Variants in TMEM132E observed in about 807,000 individuals in gnomAD.
TMEM132E encodes the protein transmembrane protein 132E.
A neutral mutation model predicts 78.5 loss-of-function variants in TMEM132E; 49 were observed. The ratio of observed to expected loss-of-function variants is 0.62; its 90% CI spans 0.50 to 0.79. The LOEUF is 0.79. Among genes scored for constraint, TMEM132E ranks in the 30% least tolerant of loss-of-function variants. The pLI is 0.00. For missense variants in TMEM132E, 1,403 were observed against 1,470.9 expected (o/e 0.95, Z 0.75); for synonymous variants, 715 against 670.6 (o/e 1.07, Z -1.02).
rs1314299003 is a variant in TMEM132E, at chr17:34,580,848, C to T, written c.-229C>T. On this transcript the variant is annotated 5_prime_UTR_variant, in exon 1 of 9. Coordinates refer to ENST00000631683, the MANE Select transcript of TMEM132E (RefSeq NM_001304438.2). ...GGGCACCAGCTGGGGGAGGTGGAGG[C>T]TCCTCCCGCCCGGAGCTGCGCCCCC... is the stretch of plus-strand genomic sequence containing the variant. 27 of 457,716 alleles carry T rather than the reference C, an allele frequency of 5.9e-5. No homozygotes were observed. The South Asian group carries it at 1.0e-3, about 17-fold the overall frequency. The allele number at this position is 457,716 out of a possible 1,614,324, so 28.4% of individuals were successfully genotyped here. A position where few individuals can be genotyped will look rare whatever the true frequency, so the allele number is the denominator to read the frequency against.
chr17:34,613,211 A>ACACACGCGCGCGCGCGCG, intron 1 of TMEM132E, among the ~76,000 whole-genome samples: 12 of 115,852 alleles, frequency 1.0e-4, no homozygotes, highest in African/African-American at 1.5e-4. Context: ...ACACACACAC[A>ACACACGCGCGCGCGCGCG]CGCGCGCGCG....
chr17:34,613,211 A>ACACACGTGCG, intron 1 of TMEM132E, among the ~76,000 whole-genome samples: 1 of 115,856 alleles, frequency 8.6e-6, no homozygotes, highest in Non-Finnish European at 1.8e-5. Context: ...ACACACACAC[A>ACACACGTGCG]CGCGCGCGCG....
At chr17:34,627,378 C>T (rs1423821082) in intron 2 of TMEM132E, among the ~76,000 whole-genome samples, 1 of 151,838 alleles carries the variant, frequency 6.6e-6, no homozygotes, top group Non-Finnish European at 1.5e-5. Context: ...ACTAGAAGGG[C>T]CCTTAGACAT....
Position 34,638,266 on chromosome 17 carries a change from C to CCA in TMEM132E, c.*35_*36dup, listed in dbSNP as rs1555565385. The CCA allele has an allele frequency of 0.11, 164,164 of 1,456,916 alleles. 1,928 individuals carry two copies. Among genetic ancestry groups the CCA allele is most frequent in the South Asian group, 0.15 (10,181 of 69,894 alleles). 90.2% of individuals were successfully genotyped at this position (1,456,916 alleles called of 1,614,324 possible). A position where few individuals can be genotyped will look rare whatever the true frequency, so the allele number is the denominator to read the frequency against. On this transcript the variant is annotated 3_prime_UTR_variant, in exon 9 of 9. Coordinates refer to ENST00000631683, the MANE Select transcript of TMEM132E (RefSeq NM_001304438.2). ...GCCGGAGTAGCAGGGACCCCCCCCC[C>CCA]CAACGGGGTCAGCTCGGGGTAGGAC...
At position 34,634,832 on chromosome 17, in the gene TMEM132E, G is replaced by T. The variant is rs766087029; in HGVS notation, c.1722G>T (p.Glu574Asp). 1 of 1,614,098 alleles carries T rather than the reference G, an allele frequency of 6.2e-7. No homozygotes were observed. Among genetic ancestry groups the T allele is most frequent in the East Asian group, 2.2e-5 (1 of 44,870 alleles). ...GGGAAAGCGAGGATGAGGATGAGGA[G>T]GAGGAGGAGCGGCGGCAGAGTGCAA... is the stretch of plus-strand genomic sequence containing the variant. ...SVRESEDEDE[E>D]EEERRQSASR... Residue 574 changes from glutamate to aspartate, a missense_variant, in exon 7 of 9, where the codon GAG (glutamate) becomes GAT (aspartate). By Grantham distance (45) the Glu-to-Asp change is conservative. Around this residue, in one of 3 missense-constraint regions of TMEM132E, gnomAD observed 888 missense variants for 952.8 expected, o/e 0.93. Transcript: ENST00000631683.
rs138612311 is a variant in TMEM132E, at chr17:34,598,856, G to A, written c.67+17713G>A. ...TTTTGGGTTTCCCTGGGGTGGGGAG[G>A]TGTTGAACTACAGCACTCTTGATTG... is the stretch of plus-strand genomic sequence containing the variant. On this transcript the variant is annotated intron_variant, in intron 1 of 8. Coordinates refer to ENST00000631683, the MANE Select transcript of TMEM132E (RefSeq NM_001304438.2). 2.3e-3 allele frequency among the ~76,000 whole-genome samples: 348 copies of A among 152,276 alleles called. 5 individuals are homozygous for A. The highest frequency in any genetic ancestry group is 7.7e-3 in the African/African-American group (320 of 41,556).
intron 1 of TMEM132E, among the ~76,000 whole-genome samples, chr17:34,589,626 ACTT>A (rs1181087110): frequency 3.3e-5 from 5 of 152,124 alleles, no homozygotes; most frequent in African/African-American, 9.7e-5. Context: ...TGCAAAGTCA[ACTT>A]CTTCTGAGTC....
chr17:34,586,261 A>G (rs1309607957), intron 1 of TMEM132E, among the ~76,000 whole-genome samples: 2 of 150,834 alleles, frequency 1.3e-5, no homozygotes, highest in African/African-American at 2.5e-5. Flanking sequence ...CAGAATTTTA[A>G]TAAGAGATTA....
At position 34,637,997 on chromosome 17, in the gene TMEM132E, A is replaced by C; in HGVS notation, c.2990A>C (p.Asp997Ala). The change falls in exon 9 of 9, where the codon GAC becomes GCC. Residue 997 changes from aspartate to alanine, a missense_variant. Physicochemically the swap from Asp to Ala is moderately radical, Grantham distance 126. Transcript: ENST00000631683. ...GGCTCCTCGGGCGGCTCAGCCCGAGACCAAGCCGAGGACCCCGCCAGCTCG... is the reference window on the plus strand; with the variant it reads ...GGCTCCTCGGGCGGCTCAGCCCGAGCCCAAGCCGAGGACCCCGCCAGCTCG... Reference protein sequence around the residue: ...GDGSSGGSARDQAEDPASSPT... With the variant: ...GDGSSGGSARAQAEDPASSPT... 6.3e-7 allele frequency: 1 copy of C among 1,584,666 alleles called. No individual in the cohort carries two copies. The highest frequency in any genetic ancestry group is 1.9e-4 in the Middle Eastern group (1 of 5,296).
At chr17:34,620,676 C>T (rs541633896) in intron 1 of TMEM132E, among the ~76,000 whole-genome samples, 2 of 152,222 alleles carry the variant, frequency 1.3e-5, no homozygotes, top group Non-Finnish European at 2.9e-5. Context: ...TTCACTCATA[C>T]CAGGACCAGG....
intron 1 of TMEM132E, among the ~76,000 whole-genome samples, chr17:34,619,062 G>T (rs1379464005): frequency 6.6e-6 from 1 of 152,168 alleles, no homozygotes; most frequent in African/African-American, 2.4e-5. Context: ...CCACTCCTGT[G>T]GTCCTCCAGG....
At position 34,626,331 on chromosome 17, in the gene TMEM132E, A is replaced by G; in HGVS notation, c.272A>G (p.Asn91Ser). ...CAGACCAAGGAGCTGCCGGTCCTCA[A>G]CGTCTCTCTGGGGCCCTTCAGCACC... Reference protein sequence around the residue: ...VFQTKELPVLNVSLGPFSTSQ... With the variant: ...VFQTKELPVLSVSLGPFSTSQ... Residue 91 changes from asparagine (N) to serine (S), a missense_variant, in exon 2 of 9, where the codon AAC (asparagine) becomes AGC (serine). Physicochemically the swap from Asn to Ser is conservative, Grantham distance 46. This residue lies in a region of TMEM132E where 511 missense variants were observed against 499.0 expected (regional missense o/e 1.02). Coordinates refer to ENST00000631683, the MANE Select transcript of TMEM132E (RefSeq NM_001304438.2). 3.1e-6 allele frequency: 5 copies of G among 1,612,786 alleles called. No individual in the cohort carries two copies. Among genetic ancestry groups the G allele is most frequent in the Non-Finnish European group, 4.2e-6 (5 of 1,179,530 alleles).
At chr17:34,613,277 G>T (rs1906671207) in intron 1 of TMEM132E, among the ~76,000 whole-genome samples, 1 of 148,786 alleles carries the variant, frequency 6.7e-6, no homozygotes, top group African/African-American at 2.4e-5. Context: ...ATTAGGAGAT[G>T]CAGGCGGCTG....
intron 1 of TMEM132E, among the ~76,000 whole-genome samples, chr17:34,600,824 G>A (rs1219811848): frequency 6.6e-6 from 1 of 152,190 alleles, no homozygotes; most frequent in African/African-American, 2.4e-5. Flanking sequence ...AAGGTTTCAA[G>A]CAGGAAAGTG....
intron 5 of TMEM132E, among the ~76,000 whole-genome samples, chr17:34,631,933 G>A (rs1907360538): frequency 6.6e-6 from 1 of 152,206 alleles, no homozygotes; most frequent in Non-Finnish European, 1.5e-5. Flanking sequence ...TAAAGTACTG[G>A]CAGTGACACC....
intron 1 of TMEM132E, among the ~76,000 whole-genome samples, chr17:34,611,971 C>T (rs989472861): frequency 6.6e-6 from 1 of 152,044 alleles, no homozygotes; most frequent in Non-Finnish European, 1.5e-5. Context: ...GGCCTGGGAC[C>T]GAGGGTCTAC....
At chr17:34,627,994 G>A (rs754470210) in intron 2 of TMEM132E, among the ~76,000 whole-genome samples, 9 of 152,234 alleles carry the variant, frequency 5.9e-5, no homozygotes, top group Non-Finnish European at 8.8e-5. Flanking sequence ...CTGAAGTGTC[G>A]TATTTAGTAT....
chr17:34,613,211 A>ACACACACGCGCGCGCGCGCGCGCG, intron 1 of TMEM132E, among the ~76,000 whole-genome samples: 1 of 115,856 alleles, frequency 8.6e-6, no homozygotes, highest in Non-Finnish European at 1.8e-5. Context: ...ACACACACAC[A>ACACACACGCGCGCGCGCGCGCGCG]CGCGCGCGCG....
At chr17:34,583,108 G>GC (rs1203196093) in intron 1 of TMEM132E, among the ~76,000 whole-genome samples, 4 of 152,212 alleles carry the variant, frequency 2.6e-5, no homozygotes, top group African/African-American at 9.6e-5. Flanking sequence ...CCCTCTCTGT[G>GC]CCCCAGTAGT....
Sources: allele counts gnomAD v4.1 joint callset (sites outside exome capture counted in the v4.1 genomes callset), GRCh38; gene constraint gnomAD v4.1.1; regional missense constraint gnomAD v4.1.1; transcripts MANE v1.5; gene names NCBI Gene and HGNC (gene_info 2026-07-23, HGNC 2026-07-21).